GMCL1: variants seen among roughly 807,000 people sequenced by gnomAD.
GMCL1 encodes the protein germ cell-less protein-like 1.
In GMCL1, 54 loss-of-function variants were observed where a neutral mutation model predicts 75.5. The observed-to-expected ratio is 0.71, with a 90% CI of 0.57 to 0.90. The LOEUF (loss-of-function observed/expected upper bound fraction) is 0.90. GMCL1 is among the 40% of genes least tolerant of loss of function. The pLI is 0.00. For missense variants in GMCL1, 537 were observed against 622.7 expected, an observed-to-expected ratio of 0.86 and a Z score of 1.47; for synonymous variants, 210 against 209.6, an observed-to-expected ratio of 1.00 and a Z score of -0.02.
chr2:69,862,736 G>T (rs1273484651), intron 10 of GMCL1, among the ~76,000 whole-genome samples: 2 of 151,422 alleles, frequency 1.3e-5, no homozygotes, highest in Admixed American at 6.6e-5. Context: ...TCCAGCCTGG[G>T]CAACAAGAGC....
rs991421695 is a variant in GMCL1, at chr2:69,829,728, C to A, written c.-165C>A. The A allele has an allele frequency of 1.3e-6, 1 of 746,992 alleles. No individual in the cohort carries two copies. Among genetic ancestry groups the A allele is most frequent in the Non-Finnish European group, 2.1e-6 (1 of 484,202 alleles). The allele number at this position is 746,992 out of a possible 1,614,324, so 46.3% of individuals were successfully genotyped here. On this transcript the variant is annotated 5_prime_UTR_variant, in exon 1 of 14. Transcript: ENST00000282570. Reference sequence around the variant, plus strand: ...GCGCGGCGCGACCGGACGCTGCGGGCGGGGAAGAGGATGGAGACTGTGGCG... The same window carrying A: ...GCGCGGCGCGACCGGACGCTGCGGGAGGGGAAGAGGATGGAGACTGTGGCG...
intron 5 of GMCL1, among the ~76,000 whole-genome samples, chr2:69,843,542 G>A (rs1573347867): frequency 6.6e-6 from 1 of 152,130 alleles, no homozygotes; most frequent in African/African-American, 2.4e-5. Flanking sequence ...TAATCCCAGT[G>A]GTTTGGGAGG....
At chr2:69,832,765 TCA>T (rs778212084) in intron 1 of GMCL1, among the ~76,000 whole-genome samples, 15 of 152,218 alleles carry the variant, frequency 9.9e-5, no homozygotes, top group Non-Finnish European at 1.9e-4. Flanking sequence ...GAAATATATG[TCA>T]CAGTGCATTT....
At chr2:69,868,344 A>G (rs1675879871) in intron 11 of GMCL1, among the ~76,000 whole-genome samples, 1 of 152,150 alleles carries the variant, frequency 6.6e-6, no homozygotes, top group Admixed American at 6.5e-5. Context: ...GGCATATAAT[A>G]TGTGCTCAAT....
At chr2:69,850,853 G>A (rs139737280) in intron 8 of GMCL1, among the ~76,000 whole-genome samples, 26 of 152,214 alleles carry the variant, frequency 1.7e-4, no homozygotes, top group South Asian at 1.2e-3. Context: ...GCAGCAACAC[G>A]CCACTGTATA....
At chr2:69,859,742 T>TTAAAAAAAA (rs1553372489) in intron 9 of GMCL1, among the ~76,000 whole-genome samples, 4 of 79,130 alleles carry the variant, frequency 5.1e-5, no homozygotes, top group Non-Finnish European at 9.1e-5. Context: ...TCTCTCTCTC[T>TTAAAAAAAA]AAAAAAAAAA....
chr2:69,861,781 A>G (rs1285415329), intron 10 of GMCL1, among the ~76,000 whole-genome samples: 1 of 152,212 alleles, frequency 6.6e-6, no homozygotes, highest in Non-Finnish European at 1.5e-5. Context: ...TAAGTCTAAA[A>G]TGAATTTAAA....
chr2:69,849,670 G>A lies in GMCL1; in HGVS notation c.862G>A (p.Val288Met), dbSNP rs1005976883. The A allele has an allele frequency of 3.2e-6, 5 of 1,577,834 alleles. No homozygotes were observed. The African/African-American group carries it at 4.1e-5, about 13-fold the overall frequency. The change falls in exon 8 of 14, where the codon GTG becomes ATG. Residue 288 changes from valine (V) to methionine (M), a missense_variant. Transcript: ENST00000282570. ...ALKKWMFLQL[V>M]PSWNGSLKQL... ...AACTTAGTGGATGTTCCTTCAACTT[G>A]TGCCTTCTTGGAATGGATCTTTAAA...
rs145193201 is a variant in GMCL1, at chr2:69,875,422, T to C, written c.1453-3487T>C. ...ACGCAAAACCACCTTCATTTTTCTT[T>C]TTTTCAAAAATCTCTCAGTTCTTTG... On this transcript the variant is annotated intron_variant, in intron 13 of 13. Transcript: ENST00000282570. Among the ~76,000 whole-genome samples, 335 of 152,318 alleles carry C rather than the reference T, an allele frequency of 2.2e-3. 1 individual carries two copies. The highest frequency in any genetic ancestry group is 7.4e-3 in the African/African-American group (309 of 41,588).
At chr2:69,869,113 T>TTGG (rs373965745) in intron 11 of GMCL1, among the ~76,000 whole-genome samples, 11,993 of 151,802 alleles carry the variant, frequency 0.079, 1,227 homozygotes, top group Admixed American at 0.23. Context: ...TTAGCCAGGC[T>TTGG]TGGCGCATGC....
chr2:69,852,744 G>A (rs1675355152), intron 8 of GMCL1, among the ~76,000 whole-genome samples: 1 of 152,114 alleles, frequency 6.6e-6, no homozygotes, highest in Admixed American at 6.5e-5. Flanking sequence ...TTGCCATGTT[G>A]GCCAGGCTGG....
chr2:69,849,351 G>A (rs1675244868), intron 7 of GMCL1, among the ~76,000 whole-genome samples: 1 of 152,014 alleles, frequency 6.6e-6, no homozygotes, highest in Admixed American at 6.6e-5. Context: ...TTTTCTGTGT[G>A]TAGAGATGGG....
At chr2:69,870,132 G>A (rs1675945762) in intron 12 of GMCL1, among the ~76,000 whole-genome samples, 1 of 150,048 alleles carries the variant, frequency 6.7e-6, no homozygotes, top group East Asian at 1.9e-4. Flanking sequence ...GCTATTCCTA[G>A]CAAATAAAAG....
In GMCL1 at chr2:69,857,075, A is replaced by G. The variant is rs181795971; in HGVS notation, c.1072+2115A>G. Among the ~76,000 whole-genome samples the G allele has an allele frequency of 2.3e-3, 351 of 152,250 alleles. 7 individuals carry two copies. The highest frequency in any genetic ancestry group is 4.0e-3 in the Admixed American group (61 of 15,292). Reference sequence around the variant, plus strand: ...AATTTCTCAGCATCAGAAACCTGGTAGTTTTCAGGCTATTATATAGCCTAG... The same window carrying G: ...AATTTCTCAGCATCAGAAACCTGGTGGTTTTCAGGCTATTATATAGCCTAG... On this transcript the variant is annotated intron_variant, in intron 9 of 13. Transcript: ENST00000282570.
Position 69,878,941 on chromosome 2 carries a change from T to C in GMCL1, c.1485T>C (p.Leu495=), listed in dbSNP as rs754477191. ...TGGTGATGAACTTGGACAGCAGGCT[T>C]CTGATCTTCCCTTTATATATCTGCT... The part of the protein sequence containing the change: ...EQVVMNLDSR[L]LIFPLYICCN... The change falls in exon 14 of 14, where the codon CTT becomes CTC. Residue 495 remains leucine, a synonymous_variant. Coordinates refer to ENST00000282570, the MANE Select transcript of GMCL1 (RefSeq NM_178439.5). 58 of 1,610,544 alleles carry C rather than the reference T, an allele frequency of 3.6e-5. No individual in the cohort carries two copies. The highest frequency in any genetic ancestry group is 4.7e-5 in the Non-Finnish European group (55 of 1,176,836).
intron 2 of GMCL1, 41 bp from the exon 3 acceptor site, chr2:69,839,416 A>G (rs760614514): frequency 1.3e-5 from 16 of 1,234,686 alleles, no homozygotes; most frequent in Non-Finnish European, 1.8e-5. Context: ...TGGAAGACAC[A>G]GAAAGTACTT....
chr2:69,862,607 A>C (rs1675686209), intron 10 of GMCL1, among the ~76,000 whole-genome samples: 1 of 152,094 alleles, frequency 6.6e-6, no homozygotes, highest in Admixed American at 6.6e-5. Flanking sequence ...TAAAAATACA[A>C]AATTAGCTGG....
chr2:69,873,361 T>C (rs1320724861), intron 13 of GMCL1, among the ~76,000 whole-genome samples: 1 of 152,154 alleles, frequency 6.6e-6, no homozygotes, highest in East Asian at 1.9e-4. Flanking sequence ...ATATAGGTTA[T>C]AGATGTTGTC....
In GMCL1 at chr2:69,840,937, T is replaced by C. The variant is rs1674966457; in HGVS notation, c.482-5T>C. The C allele has an allele frequency of 6.2e-7, 1 of 1,607,824 alleles. No individual in the cohort carries two copies. On this transcript the variant is annotated splice_polypyrimidine_tract_variant and splice_region_variant and intron_variant, in intron 3 of 13. Coordinates refer to ENST00000282570, the MANE Select transcript of GMCL1 (RefSeq NM_178439.5). ...TTTCATCCTACATGTGTACCTTGCTTTCAGCACTGCAGGTTGCATTTGGTT... is the reference window on the plus strand; with the variant it reads ...TTTCATCCTACATGTGTACCTTGCTCTCAGCACTGCAGGTTGCATTTGGTT...
Sources: allele counts gnomAD v4.1 joint callset (sites outside exome capture counted in the v4.1 genomes callset), GRCh38; gene constraint gnomAD v4.1.1; transcripts MANE v1.5; gene names NCBI Gene and HGNC (gene_info 2026-07-23, HGNC 2026-07-21).